The following CLDN16 variants were observed in gnomAD, a reference collection of about 807,000 sequenced individuals.
CLDN16 encodes claudin 16, also known as claudin-16.
In CLDN16, 13 loss-of-function variants were observed where a neutral mutation model predicts 24.6. The observed-to-expected ratio is 0.53, with a 90% CI of 0.34 to 0.84. The LOEUF (loss-of-function observed/expected upper bound fraction) is 0.84, where lower values mean the gene tolerates loss of function less well. Among genes scored for constraint, CLDN16 ranks in the 40% least tolerant of loss-of-function variants. The pLI, the probability that CLDN16 is intolerant of heterozygous loss-of-function variation, is 0.01. For synonymous variants in CLDN16, 116 were observed against 106.7 expected (o/e 1.09, Z -0.54); for missense variants, 298 against 292.7 (o/e 1.02, Z -0.13).
At chr3:190,295,648 T>C in the CLDN16 span, among the ~76,000 whole-genome samples, 93 of 152,312 alleles carry the variant, frequency 6.1e-4, no homozygotes, top group African/African-American at 2.2e-3. Context: ...AGAAGATCCA[T>C]GTTTACATCT....
At chr3:190,369,749 ACTTAT>A (rs1418349307) in intron 1 of CLDN16, among the ~76,000 whole-genome samples, 1 of 151,940 alleles carries the variant, frequency 6.6e-6, no homozygotes, top group African/African-American at 2.4e-5. Context: ...ACTTCTTTGT[ACTTAT>A]CTTTAGGGAA....
chr3:190,396,717 A>G (rs1350929664), intron 1 of CLDN16, among the ~76,000 whole-genome samples: 15 of 152,204 alleles, frequency 9.9e-5, no homozygotes, highest in Non-Finnish European at 4.4e-5. Flanking sequence ...TTTAAATGCT[A>G]TAATAATATG....
At chr3:190,407,358 C>T (rs1026079175) in intron 3 of CLDN16, among the ~76,000 whole-genome samples, 1 of 151,990 alleles carries the variant, frequency 6.6e-6, no homozygotes. Flanking sequence ...TTAACACTAA[C>T]GTTGATACAG....
the CLDN16 span, chr3:190,308,169 A>T: frequency 2.2e-5 from 28 of 1,289,836 alleles, no homozygotes; most frequent in Middle Eastern, 2.5e-4. Flanking sequence ...TTGTAATACC[A>T]TACTTCAGAT....
chr3:190,311,226 A>C, the CLDN16 span, among the ~76,000 whole-genome samples: 1 of 152,206 alleles, frequency 6.6e-6, no homozygotes, highest in African/African-American at 2.4e-5. Context: ...GAGTTACAAG[A>C]AGGCAAGCGA....
the CLDN16 span, among the ~76,000 whole-genome samples, chr3:190,301,774 C>A: frequency 3.9e-5 from 6 of 152,276 alleles, no homozygotes; most frequent in African/African-American, 1.2e-4. Context: ...AGACTGCAAT[C>A]ATCAAGCCGT....
the CLDN16 span, among the ~76,000 whole-genome samples, chr3:190,294,508 C>G: frequency 3.3e-5 from 5 of 151,910 alleles, no homozygotes; most frequent in Non-Finnish European, 7.4e-5. Flanking sequence ...CTTTTACTTA[C>G]TTTTTTTAAA....
chr3:190,339,258 C>G (rs749700734), intron 1 of CLDN16, among the ~76,000 whole-genome samples: 5 of 152,236 alleles, frequency 3.3e-5, no homozygotes, highest in Admixed American at 1.3e-4. Flanking sequence ...CTGTCTAATA[C>G]TCTGCTTCTA....
At chr3:190,370,540 G>T (rs139459786) in intron 1 of CLDN16, among the ~76,000 whole-genome samples, 1 of 151,896 alleles carries the variant, frequency 6.6e-6, no homozygotes, top group African/African-American at 2.4e-5. Context: ...TTACCTGCAG[G>T]GGTGTAATTC....
chr3:190,333,011 C>A (rs1254359368), intron 1 of CLDN16, among the ~76,000 whole-genome samples: 1 of 152,022 alleles, frequency 6.6e-6, no homozygotes, highest in African/African-American at 2.4e-5. Flanking sequence ...TTATTGTAGT[C>A]AGGTGTTTAG....
At position 190,401,703 on chromosome 3, in the gene CLDN16, A is replaced by G. The variant is rs368749734; in HGVS notation, c.115-634A>G. Among the ~76,000 whole-genome samples the G allele has an allele frequency of 3.3e-5, 5 of 152,316 alleles. No homozygotes were observed. In the East Asian group the frequency reaches 9.6e-4, roughly 29 times the overall value. On this transcript the variant is annotated intron_variant, in intron 1 of 4. Coordinates refer to ENST00000264734, the MANE Select transcript of CLDN16 (RefSeq NM_006580.4). ...TCAAGTTGTATGAAATTAATGCTCA[A>G]TCTGCTTACATCCTTTACATAGCTT...
At chr3:190,399,189 G>T (rs1354020429) in intron 1 of CLDN16, among the ~76,000 whole-genome samples, 1 of 152,100 alleles carries the variant, frequency 6.6e-6, no homozygotes, top group South Asian at 2.1e-4. Context: ...ATTTTAAAAT[G>T]GATTTGGAAT....
chr3:190,397,481 A>T (rs1302236413), intron 1 of CLDN16, among the ~76,000 whole-genome samples: 10 of 152,212 alleles, frequency 6.6e-5, no homozygotes, highest in Admixed American at 6.5e-4. Context: ...CCTGTCTTAA[A>T]ATTTTCAAGA....
chr3:190,318,363 C>T (rs1716824976), upstream of CLDN16, among the ~76,000 whole-genome samples: 1 of 152,148 alleles, frequency 6.6e-6, no homozygotes, highest in Non-Finnish European at 1.5e-5. Flanking sequence ...ATGTGACTTG[C>T]CTCTTCCCCT....
intron 1 of CLDN16, among the ~76,000 whole-genome samples, chr3:190,325,323 C>G (rs1463042840): frequency 1.3e-5 from 2 of 149,986 alleles, no homozygotes; most frequent in Non-Finnish European, 3.0e-5. Context: ...CAATCGAGGA[C>G]AATTTTTTTT....
At chr3:190,361,478 A>G (rs1717886661) in intron 1 of CLDN16, among the ~76,000 whole-genome samples, 1 of 151,978 alleles carries the variant, frequency 6.6e-6, no homozygotes, top group Admixed American at 6.6e-5. Context: ...CCCTTCCCTG[A>G]AAAGACTCCC....
chr3:190,392,349 TTC>T (rs911984348), intron 1 of CLDN16, among the ~76,000 whole-genome samples: 2 of 152,150 alleles, frequency 1.3e-5, no homozygotes, highest in African/African-American at 4.8e-5. Context: ...TTCTTTTTCT[TTC>T]TTTCTCTTTC....
intron 1 of CLDN16, among the ~76,000 whole-genome samples, chr3:190,335,106 C>T (rs1003409887): frequency 1.3e-5 from 2 of 148,676 alleles, no homozygotes; most frequent in African/African-American, 4.9e-5. Context: ...TGCAGTGGCA[C>T]GATCTTAACT....
intron 1 of CLDN16, among the ~76,000 whole-genome samples, chr3:190,332,711 A>G (rs16865393): frequency 0.043 from 6,546 of 152,270 alleles, 323 homozygotes; most frequent in African/African-American, 0.12. Flanking sequence ...CTGGAAAATT[A>G]AACAAGATAA....
Sources: gnomAD v4.1 joint callset for allele counts (sites outside exome capture counted in the v4.1 genomes callset) on GRCh38, gnomAD v4.1.1 for gene constraint, MANE v1.5 for transcripts, NCBI Gene and HGNC (gene_info 2026-07-23, HGNC 2026-07-21) for gene names.